TMOD2: variants seen among roughly 807,000 people sequenced by gnomAD.
TMOD2 encodes the protein tropomodulin 2.
In TMOD2, 22 loss-of-function variants were observed where a neutral mutation model predicts 39.9. The observed-to-expected ratio is 0.55, with a 90% CI of 0.39 to 0.79. The LOEUF (loss-of-function observed/expected upper bound fraction) is 0.79. Among genes scored for constraint, TMOD2 ranks in the 30% least tolerant of loss-of-function variants. The pLI is 0.00. For missense variants in TMOD2, 386 were observed against 413.3 expected, an observed-to-expected ratio of 0.93 and a Z score of 0.57; for synonymous variants, 123 against 146.1, an observed-to-expected ratio of 0.84 and a Z score of 1.14.
intron 6 of TMOD2, 105 bp from the exon 7 acceptor site, chr15:51,782,616 T>G: frequency 1.2e-6 from 1 of 847,940 alleles, no homozygotes. Flanking sequence ...AGGGATATCG[T>G]GTATTTATCT....
At chr15:51,754,991 C>T (rs1834516720) in intron 1 of TMOD2, among the ~76,000 whole-genome samples, 2 of 152,174 alleles carry the variant, frequency 1.3e-5, no homozygotes, top group Non-Finnish European at 2.9e-5. Flanking sequence ...TTGTGCTTCA[C>T]ATTACTTACA....
chr15:51,781,803 G>GGA (rs370122360), intron 6 of TMOD2, among the ~76,000 whole-genome samples: 8,172 of 149,256 alleles, frequency 0.055, 256 homozygotes, highest in African/African-American at 0.077. Context: ...GGAAAGAGTA[G>GGA]GAGAGAGAGA....
At chr15:51,800,665 G>A (rs2056081090) in intron 8 of TMOD2, among the ~76,000 whole-genome samples, 1 of 152,040 alleles carries the variant, frequency 6.6e-6, no homozygotes, top group African/African-American at 2.4e-5. Context: ...ATTTCATTTT[G>A]CTTCTGAAAT....
chr15:51,764,415 C>T (rs919311314), intron 1 of TMOD2, among the ~76,000 whole-genome samples: 1 of 152,138 alleles, frequency 6.6e-6, no homozygotes, highest in African/African-American at 2.4e-5. Context: ...CATTGTGAGC[C>T]GTTGAATTCA....
At chr15:51,784,734 G>T (rs2055956786) in intron 7 of TMOD2, 1 of 152,112 alleles carries the variant, frequency 6.6e-6, no homozygotes, top group Admixed American at 6.5e-5. Flanking sequence ...GTATGATTTT[G>T]TACTATTTCT....
chr15:51,804,378 G>GA (rs906078140), intron 8 of TMOD2, among the ~76,000 whole-genome samples: 4 of 151,920 alleles, frequency 2.6e-5, no homozygotes, highest in Admixed American at 6.6e-5. Flanking sequence ...CCATTAATGT[G>GA]AAAAAAAGCA....
intron 1 of TMOD2, among the ~76,000 whole-genome samples, chr15:51,756,631 A>G (rs750981741): frequency 3.5e-4 from 54 of 152,304 alleles, no homozygotes; most frequent in Non-Finnish European, 4.7e-4. Context: ...AGCAGTCACT[A>G]GTGGGCACCT....
chr15:51,770,871 G>A (rs976653591), intron 3 of TMOD2, among the ~76,000 whole-genome samples: 4 of 152,192 alleles, frequency 2.6e-5, no homozygotes, highest in Admixed American at 6.5e-5. Flanking sequence ...AAGGATTGCT[G>A]TGAAAATATG....
At chr15:51,753,957 C>T (rs1057211760) in intron 1 of TMOD2, among the ~76,000 whole-genome samples, 8 of 151,780 alleles carry the variant, frequency 5.3e-5, no homozygotes, top group South Asian at 2.1e-4. Flanking sequence ...TTGTAGAAGA[C>T]GGGGGTGGTT....
intron 7 of TMOD2, among the ~76,000 whole-genome samples, chr15:51,788,371 T>C (rs1159094106): frequency 6.6e-6 from 1 of 152,154 alleles, no homozygotes; most frequent in African/African-American, 2.4e-5. Flanking sequence ...TATGGGAGTA[T>C]GTGAAAAGAC....
At chr15:51,765,663 T>A (rs983059943) in intron 1 of TMOD2, among the ~76,000 whole-genome samples, 6 of 152,000 alleles carry the variant, frequency 3.9e-5, no homozygotes, top group Non-Finnish European at 7.4e-5. Flanking sequence ...TGAGGTGGTA[T>A]AAAAAATAAG....
rs551376245 is a variant in TMOD2 at position 51,793,782 on chromosome 15, T to C, written c.733-4415T>C. ...ATCCTGGCAACTCGCCAGGAGGTCCTGCAACTTTCTGTAAAGGCCTAATTG... is the reference window on the plus strand; with the variant it reads ...ATCCTGGCAACTCGCCAGGAGGTCCCGCAACTTTCTGTAAAGGCCTAATTG... On this transcript the variant is annotated intron_variant, in intron 7 of 9. Transcript: ENST00000249700. 2.0e-5 allele frequency among the ~76,000 whole-genome samples: 3 copies of C among 152,372 alleles called. No homozygotes were observed. In the South Asian group the frequency reaches 6.2e-4, roughly 32 times the overall value.
At chr15:51,760,987 G>C (rs908825898) in intron 1 of TMOD2, among the ~76,000 whole-genome samples, 2 of 152,070 alleles carry the variant, frequency 1.3e-5, no homozygotes. Flanking sequence ...AAAGTAACGA[G>C]AGAGAAAACA....
intron 1 of TMOD2, among the ~76,000 whole-genome samples, chr15:51,764,355 C>T (rs1030078946): frequency 3.9e-5 from 6 of 152,026 alleles, no homozygotes; most frequent in Non-Finnish European, 5.9e-5. Context: ...TGGAAAAGAG[C>T]GTTGCATTGC....
At chr15:51,790,588 T>C (rs558908053) in intron 7 of TMOD2, among the ~76,000 whole-genome samples, 1 of 152,236 alleles carries the variant, frequency 6.6e-6, no homozygotes, top group South Asian at 2.1e-4. Context: ...TGATGAACAT[T>C]GATGTGAAAA....
At chr15:51,806,148 A>C (rs1451019914) in intron 8 of TMOD2, among the ~76,000 whole-genome samples, 1 of 152,188 alleles carries the variant, frequency 6.6e-6, no homozygotes, top group Non-Finnish European at 1.5e-5. Context: ...TTTCAGCTGC[A>C]GGACACCAGC....
intron 9 of TMOD2, among the ~76,000 whole-genome samples, chr15:51,807,761 C>T (rs1272816254): frequency 6.6e-6 from 1 of 152,092 alleles, no homozygotes; most frequent in Non-Finnish European, 1.5e-5. Context: ...TTTGCCAAAT[C>T]CAAGAAAGTT....
At position 51,813,351 on chromosome 15, in the gene TMOD2, G is replaced by T. The variant is rs541617834; in HGVS notation, c.*4897G>T. On this transcript the variant is annotated 3_prime_UTR_variant, in exon 10 of 10. Transcript: ENST00000249700. Reference sequence around the variant, plus strand: ...TGTTCTAGGAATAGTGCATGTTTTAGAGGCTTTGCCAGTTGGGATACATTG... The same window carrying T: ...TGTTCTAGGAATAGTGCATGTTTTATAGGCTTTGCCAGTTGGGATACATTG... 1 of 152,324 alleles carries T rather than the reference G, an allele frequency of 6.6e-6. No individual in the cohort carries two copies. The highest frequency in any genetic ancestry group is 1.5e-5 in the Non-Finnish European group (1 of 68,034). The allele number at this position is 152,324 out of a possible 1,614,324, so 9.4% of individuals were successfully genotyped here.
rs542527026 is a variant in TMOD2, at chr15:51,792,214, A to T, written c.733-5983A>T. Among the ~76,000 whole-genome samples the T allele has an allele frequency of 3.5e-4, 53 of 152,356 alleles. 1 individual carries two copies. The South Asian group carries it at 0.011, about 30-fold the overall frequency. ...AAAAATGGGCAAAGGATATGAATAG[A>T]CACTTCTCAAAAGAAGACATTTATG... On this transcript the variant is annotated intron_variant, in intron 7 of 9. Transcript: ENST00000249700.
Sources: gnomAD v4.1 joint callset for allele counts (sites outside exome capture counted in the v4.1 genomes callset) on GRCh38, gnomAD v4.1.1 for gene constraint, MANE v1.5 for transcripts, NCBI Gene and HGNC (gene_info 2026-07-23, HGNC 2026-07-21) for gene names.